ZNF362: variants seen among roughly 807,000 people sequenced by gnomAD.
ZNF362 encodes zinc finger protein 362, also known as rotund homolog.
In ZNF362, 11 loss-of-function variants were observed where a neutral mutation model predicts 42.9. The ratio of observed to expected loss-of-function variants is 0.26; its 90% CI spans 0.16 to 0.42. The LOEUF (loss-of-function observed/expected upper bound fraction) is 0.42, where lower values mean the gene tolerates loss of function less well. ZNF362 is among the 20% of genes least tolerant of loss of function. ZNF362 has a pLI of 1.00. For missense variants in ZNF362, 362 were observed against 576.2 expected (o/e 0.63, Z 3.81); for synonymous variants, 255 against 257.3 (o/e 0.99, Z 0.09).
At chr1:33,257,353 A>AG (rs1254346515) in intron 1 of ZNF362, among the ~76,000 whole-genome samples, 1 of 147,838 alleles carries the variant, frequency 6.8e-6, no homozygotes, top group Non-Finnish European at 1.5e-5. Flanking sequence ...GGGCGATTTG[A>AG]GGGGGGAGGG....
In ZNF362 at chr1:33,258,374, A is replaced by T. The variant is rs569732473; in HGVS notation, c.-89+1720A>T. 3.9e-5 allele frequency among the ~76,000 whole-genome samples: 6 copies of T among 152,222 alleles called. No individual in the cohort carries two copies. In the South Asian group the frequency reaches 1.2e-3, roughly 32 times the overall value. ...CATTTCTTGGAGGGGAGACCCTTCT[A>T]GTCTCACTCCTGGTTTGTGTCCTGG... On this transcript the variant is annotated intron_variant, in intron 1 of 8. Coordinates refer to ENST00000539719, the MANE Select transcript of ZNF362 (RefSeq NM_152493.3).
rs777441311 is a variant in ZNF362, at chr1:33,281,978, C to T, written c.908+167C>T. ...TGGCCTCAGCTGTTGTTACTGCACC[C>T]CGTCCCCACTGTTTCTCATCTCTAG... On this transcript the variant is annotated intron_variant, in intron 6 of 8. Transcript: ENST00000539719. The surrounding 1 kb of genome is among the most constrained non-coding windows in gnomAD (Gnocchi z 4.8). 7.8e-6 allele frequency: 5 copies of T among 638,812 alleles called. No homozygotes were observed. The highest frequency in any genetic ancestry group is 1.4e-5 in the Non-Finnish European group (5 of 367,024). The allele number at this position is 638,812 out of a possible 1,614,324, so 39.6% of individuals were successfully genotyped here.
At chr1:33,188,936 G>A in the ZNF362 span, among the ~76,000 whole-genome samples, 3 of 152,144 alleles carry the variant, frequency 2.0e-5, no homozygotes, top group South Asian at 4.1e-4. Context: ...CAATCCACAT[G>A]CTTCTTCCCC....
chr1:33,250,829 A>AAGAAGG, the ZNF362 span, among the ~76,000 whole-genome samples: 1 of 146,034 alleles, frequency 6.8e-6, no homozygotes, highest in South Asian at 2.2e-4. Flanking sequence ...GAGAAGAAGA[A>AAGAAGG]AAGAAGAAGA....
chr1:33,281,932 C>A lies in ZNF362; in HGVS notation c.908+121C>A. ...TCCAGGTGCCCATTGCCCTCGGGGTCACGGCCCTTGTGGACCTCACTGGCC... is the reference window on the plus strand; with the variant it reads ...TCCAGGTGCCCATTGCCCTCGGGGTAACGGCCCTTGTGGACCTCACTGGCC... On this transcript the variant is annotated intron_variant, in intron 6 of 8. Coordinates refer to ENST00000539719, the MANE Select transcript of ZNF362 (RefSeq NM_152493.3). This position sits in a 1 kb window ranked among gnomAD's most constrained non-coding sequence, Gnocchi z 4.8. 1 of 1,012,180 alleles carries A rather than the reference C, an allele frequency of 9.9e-7. No individual in the cohort carries two copies. Among genetic ancestry groups the A allele is most frequent in the South Asian group, 1.5e-5 (1 of 67,508 alleles). 62.7% of individuals were successfully genotyped at this position (1,012,180 alleles called of 1,614,324 possible). A position where few individuals can be genotyped will look rare whatever the true frequency, so the allele number is the denominator to read the frequency against.
chr1:33,181,048 C>G, the ZNF362 span: 2 of 1,548,710 alleles, frequency 1.3e-6, no homozygotes, highest in Non-Finnish European at 1.7e-6. The surrounding 1 kb of genome is among the most constrained non-coding windows in gnomAD (Gnocchi z 6.5). Flanking sequence ...AAGGCGTCGT[C>G]GATGCCGGTG....
At chr1:33,297,360 A>G (rs1646132136) in intron 8 of ZNF362, among the ~76,000 whole-genome samples, 1 of 152,030 alleles carries the variant, frequency 6.6e-6, no homozygotes, top group Non-Finnish European at 1.5e-5. Context: ...TCTGATAAAG[A>G]CTCCTTTTTT....
the ZNF362 span, among the ~76,000 whole-genome samples, chr1:33,223,849 C>T: frequency 6.1e-5 from 9 of 148,240 alleles, no homozygotes; most frequent in East Asian, 5.9e-4. Context: ...GCCAAGATCA[C>T]GTCACTACAC....
intron 1 of ZNF362, among the ~76,000 whole-genome samples, chr1:33,258,822 CAGTT>C (rs1207737701): frequency 1.3e-5 from 2 of 152,182 alleles, no homozygotes; most frequent in African/African-American, 2.4e-5. Flanking sequence ...CCCAGAAACT[CAGTT>C]AGGGTTAAAT....
the ZNF362 span, chr1:33,158,254 T>G: frequency 6.2e-7 from 1 of 1,613,684 alleles, no homozygotes; most frequent in Non-Finnish European, 8.5e-7. Flanking sequence ...ATGCCTTACC[T>G]GGGTGGATGT....
At chr1:33,160,935 C>A in the ZNF362 span, among the ~76,000 whole-genome samples, 1 of 152,172 alleles carries the variant, frequency 6.6e-6, no homozygotes, top group Non-Finnish European at 1.5e-5. Context: ...TTCTCTGCCC[C>A]CAAGGGCACT....
the ZNF362 span, among the ~76,000 whole-genome samples, chr1:33,250,960 T>C: frequency 2.6e-5 from 4 of 152,084 alleles, no homozygotes; most frequent in African/African-American, 9.7e-5. Context: ...GGTACACCCC[T>C]CCTCCTACAG....
chr1:33,276,662 G>A (rs972305144), intron 4 of ZNF362, 68 bp downstream of exon 4: 3 of 1,288,736 alleles, frequency 2.3e-6, no homozygotes, highest in Non-Finnish European at 2.9e-6. Context: ...CGTAGCGGGG[G>A]ACTTGGTGAG....
At chr1:33,168,581 A>G in the ZNF362 span, among the ~76,000 whole-genome samples, 1 of 152,202 alleles carries the variant, frequency 6.6e-6, no homozygotes, top group South Asian at 2.1e-4. Flanking sequence ...CTTGTCTTAC[A>G]TGAGAGAGAA....
the ZNF362 span, chr1:33,147,629 G>A: frequency 6.2e-7 from 1 of 1,614,024 alleles, no homozygotes; most frequent in Non-Finnish European, 8.5e-7. This position sits in a 1 kb window ranked among gnomAD's most constrained non-coding sequence, Gnocchi z 8.1. Context: ...TCCTGCAGTG[G>A]CTGTGGGTGC....
the ZNF362 span, among the ~76,000 whole-genome samples, chr1:33,230,514 C>G: frequency 1.6e-4 from 24 of 152,250 alleles, no homozygotes; most frequent in Admixed American, 4.6e-4. Flanking sequence ...ATACATAATA[C>G]TAATAACAAT....
At chr1:33,223,332 G>A in the ZNF362 span, among the ~76,000 whole-genome samples, 9 of 152,302 alleles carry the variant, frequency 5.9e-5, no homozygotes, top group South Asian at 2.1e-4. Flanking sequence ...CCTGTGAGAT[G>A]TGCCTTTTAC....
chr1:33,170,980 G>A, the ZNF362 span, among the ~76,000 whole-genome samples: 124 of 152,304 alleles, frequency 8.1e-4, 1 homozygote, highest in East Asian at 3.9e-4. Context: ...CTCCCTAGTC[G>A]CTTCTTTGTG....
At chr1:33,282,728 A>G (rs765493662) in intron 6 of ZNF362, among the ~76,000 whole-genome samples, 11 of 151,868 alleles carry the variant, frequency 7.2e-5, no homozygotes, top group Non-Finnish European at 1.3e-4. Context: ...AGGCTTAGGC[A>G]GGAGACTCGC....
Sources: gnomAD v4.1 joint callset for allele counts (sites outside exome capture counted in the v4.1 genomes callset) on GRCh38, gnomAD v4.1.1 for gene constraint, Gnocchi (gnomAD v3.1) non-coding constraint, MANE v1.5 for transcripts, NCBI Gene and HGNC (gene_info 2026-07-23, HGNC 2026-07-21) for gene names.